NCAPH: variants seen among roughly 807,000 people sequenced by gnomAD.
NCAPH encodes the protein condensin complex subunit 2.
Under a neutral mutation model 85.5 loss-of-function variants are expected in NCAPH, and 38 were observed. The ratio of observed to expected loss-of-function variants is 0.44; its 90% CI spans 0.34 to 0.58. The LOEUF (loss-of-function observed/expected upper bound fraction) is 0.58. Ranked by LOEUF, NCAPH falls within the 20% of genes least tolerant of loss-of-function variation. The probability of loss-of-function intolerance (pLI) is 0.01; values close to 1 mark genes in which losing one functional copy is unlikely to be tolerated. For missense variants in NCAPH, 789 were observed against 916.6 expected (o/e 0.86, Z 1.80); for synonymous variants, 301 against 335.1 (o/e 0.90, Z 1.11).
chr2:96,367,122 CAA>C (rs946986879), intron 14 of NCAPH, 133 bp from the exon 15 acceptor site: 18 of 585,406 alleles, frequency 3.1e-5, no homozygotes, highest in South Asian at 9.2e-5. Flanking sequence ...ACAAACAAAA[CAA>C]GAGAGCTCTG....
chr2:96,342,495 G>T (rs937111260), intron 3 of NCAPH, among the ~76,000 whole-genome samples: 1 of 152,208 alleles, frequency 6.6e-6, no homozygotes, highest in African/African-American at 2.4e-5. Flanking sequence ...TGTTTGGAGG[G>T]TGAGTCCCTT....
intron 8 of NCAPH, 96 bp downstream of exon 8, chr2:96,353,493 G>C (rs915156973): frequency 1.9e-6 from 2 of 1,070,212 alleles, no homozygotes; most frequent in African/African-American, 3.1e-5. Flanking sequence ...TCTTTATTTA[G>C]CCAGGAGTAC....
intron 6 of NCAPH, among the ~76,000 whole-genome samples, chr2:96,349,717 C>G (rs2064411531): frequency 1.3e-5 from 2 of 152,134 alleles, no homozygotes; most frequent in South Asian, 4.1e-4. Context: ...GTGTCTAGAC[C>G]AGTTGAGAGC....
chr2:96,360,571 T>C lies in NCAPH; in HGVS notation c.1465-17T>C. On this transcript the variant is annotated splice_polypyrimidine_tract_variant and intron_variant, in intron 11 of 17. Transcript: ENST00000240423. ...CTGTTAAAATGCCTAAAACACTTTT[T>C]TTAAAAAAATTAATAGGCTGCTACT... 1 of 1,611,802 alleles carries C rather than the reference T, an allele frequency of 6.2e-7. No individual in the cohort carries two copies. Among genetic ancestry groups the C allele is most frequent in the Non-Finnish European group, 8.5e-7 (1 of 1,179,376 alleles).
intron 9 of NCAPH, among the ~76,000 whole-genome samples, chr2:96,355,735 G>C (rs1285484462): frequency 6.6e-6 from 1 of 150,570 alleles, no homozygotes; most frequent in African/African-American, 2.4e-5. Context: ...TCTGCCTCCC[G>C]GGTTCACACC....
In NCAPH at chr2:96,368,959, G is replaced by A; in HGVS notation, c.1999-13G>A. ...AGCCCTAACTGTCCGATGTATAAATGTGCTTCTGTTAGGCAAACCACAGGG... is the reference window on the plus strand; with the variant it reads ...AGCCCTAACTGTCCGATGTATAAATATGCTTCTGTTAGGCAAACCACAGGG... On this transcript the variant is annotated splice_polypyrimidine_tract_variant and intron_variant, in intron 15 of 17. Coordinates refer to ENST00000240423, the MANE Select transcript of NCAPH (RefSeq NM_015341.5). The A allele has an allele frequency of 6.4e-7, 1 of 1,551,764 alleles. No homozygotes were observed. The highest frequency in any genetic ancestry group is 8.7e-7 in the Non-Finnish European group (1 of 1,146,970).
intron 13 of NCAPH, among the ~76,000 whole-genome samples, chr2:96,365,557 C>T (rs748833383): frequency 3.3e-5 from 5 of 152,194 alleles, no homozygotes; most frequent in East Asian, 3.9e-4. Flanking sequence ...GTCATATCTC[C>T]GGTATTTGAG....
intron 15 of NCAPH, among the ~76,000 whole-genome samples, chr2:96,368,662 AAAAC>A (rs903675451): frequency 9.2e-5 from 14 of 152,290 alleles, no homozygotes; most frequent in East Asian, 1.9e-4. Context: ...TCTCAAAAAA[AAAAC>A]AAACAAACAT....
In NCAPH at chr2:96,373,848, T is replaced by C. The variant is rs983439475; in HGVS notation, c.*497T>C. 2.6e-5 allele frequency: 4 copies of C among 153,032 alleles called. No individual in the cohort carries two copies. The highest frequency in any genetic ancestry group is 9.6e-5 in the African/African-American group (4 of 41,460). 9.5% of individuals were successfully genotyped at this position (153,032 alleles called of 1,614,324 possible). On this transcript the variant is annotated 3_prime_UTR_variant, in exon 18 of 18. Coordinates refer to ENST00000240423, the MANE Select transcript of NCAPH (RefSeq NM_015341.5). ...TTAATAATAGAACTGGCAAAATATT[T>C]GAGTGTCCACTAGATGAGTATCAGA... is the stretch of plus-strand genomic sequence containing the variant.
At chr2:96,340,802 G>A (rs1252596464) in intron 1 of NCAPH, among the ~76,000 whole-genome samples, 1 of 107,710 alleles carries the variant, frequency 9.3e-6, no homozygotes, top group East Asian at 2.7e-4. Flanking sequence ...TTTTTTTTTT[G>A]GTTGTTATCT....
intron 9 of NCAPH, among the ~76,000 whole-genome samples, chr2:96,358,046 G>A (rs2064547410): frequency 6.6e-6 from 1 of 152,180 alleles, no homozygotes; most frequent in African/African-American, 2.4e-5. Context: ...GGAGGCTGAG[G>A]CAGGAGGATT....
At chr2:96,370,781 C>A (rs1034416028) in intron 17 of NCAPH, among the ~76,000 whole-genome samples, 1 of 152,212 alleles carries the variant, frequency 6.6e-6, no homozygotes, top group African/African-American at 2.4e-5. Context: ...CTTGTAACCA[C>A]CAGTCTGGGT....
chr2:96,365,993 C>A lies in NCAPH; in HGVS notation c.1816C>A (p.Pro606Thr). The A allele has an allele frequency of 6.2e-7, 1 of 1,614,186 alleles. No homozygotes were observed. The highest frequency in any genetic ancestry group is 8.5e-7 in the Non-Finnish European group (1 of 1,180,042). The change falls in exon 14 of 18, where the codon CCA (proline) becomes ACA (threonine). Residue 606 changes from proline (P) to threonine (T), a missense_variant. Transcript: ENST00000240423. ...GACAGCACAACAGAATGGTGACACT[C>A]CAGAAGCCCAAGGATTAGACATCAC... ...PKTAQQNGDT[P>T]EAQGLDITTY...
chr2:96,367,607 C>T (rs1358890954), intron 15 of NCAPH, among the ~76,000 whole-genome samples: 2 of 152,154 alleles, frequency 1.3e-5, no homozygotes, highest in Non-Finnish European at 1.5e-5. Context: ...ATGATATGAT[C>T]GTACCACTAC....
chr2:96,355,597 CA>C (rs1218898280), intron 9 of NCAPH, among the ~76,000 whole-genome samples: 1 of 151,684 alleles, frequency 6.6e-6, no homozygotes, highest in African/African-American at 2.4e-5. Context: ...CACATGGCTG[CA>C]ATTTTGCCCC....
Position 96,353,280 on chromosome 2 carries a change from CTT to C in NCAPH, c.911-24_911-23del, listed in dbSNP as rs759206365. ...TGCACTTGACCCCCTTCTAATCTCT[CTT>C]TGTGATCTTGCTATCCTCTCCAGCG... On this transcript the variant is annotated intron_variant, in intron 7 of 17. Coordinates refer to ENST00000240423, the MANE Select transcript of NCAPH (RefSeq NM_015341.5). 1.5e-5 allele frequency: 24 copies of C among 1,600,532 alleles called. No homozygotes were observed. In the South Asian group the frequency reaches 2.5e-4, roughly 17 times the overall value.
chr2:96,372,543 A>G (rs1383103852), intron 17 of NCAPH, among the ~76,000 whole-genome samples: 1 of 151,840 alleles, frequency 6.6e-6, no homozygotes, highest in Non-Finnish European at 1.5e-5. Context: ...TTAAGTTGCA[A>G]CTCTTCTGAG....
intron 14 of NCAPH, among the ~76,000 whole-genome samples, chr2:96,366,817 C>T (rs533678019): frequency 7.3e-6 from 1 of 136,418 alleles, no homozygotes; most frequent in East Asian, 2.1e-4. Context: ...GCAGAGGTTG[C>T]AGTAAGCTGA....
Position 96,373,856 on chromosome 2 carries a change from C to T in NCAPH, c.*505C>T, listed in dbSNP as rs541111907. The T allele has an allele frequency of 6.5e-6, 1 of 152,986 alleles. No individual in the cohort carries two copies. The highest frequency in any genetic ancestry group is 2.1e-4 in the South Asian group (1 of 4,840). The allele number at this position is 152,986 out of a possible 1,614,324, so 9.5% of individuals were successfully genotyped here. On this transcript the variant is annotated 3_prime_UTR_variant, in exon 18 of 18. Transcript: ENST00000240423. ...AGAACTGGCAAAATATTTGAGTGTC[C>T]ACTAGATGAGTATCAGACCTAGTCC... is the stretch of plus-strand genomic sequence containing the variant.
Sources: allele counts gnomAD v4.1 joint callset (sites outside exome capture counted in the v4.1 genomes callset), GRCh38; gene constraint gnomAD v4.1.1; transcripts MANE v1.5; gene names NCBI Gene and HGNC (gene_info 2026-07-23, HGNC 2026-07-21).